The following SLC35F3 variants were observed in gnomAD, a reference collection of about 807,000 sequenced individuals.
The protein encoded by SLC35F3 is putative thiamine transporter SLC35F3.
In SLC35F3, 25 loss-of-function variants were observed where a neutral mutation model predicts 49.9. That is an observed-to-expected ratio of 0.50 (90% CI 0.37 to 0.70). The LOEUF is 0.70. Ranked by LOEUF, SLC35F3 falls within the 30% of genes least tolerant of loss-of-function variation. SLC35F3 has a pLI of 0.00. For synonymous variants in SLC35F3, 275 were observed against 265.4 expected (o/e 1.04, Z -0.35); for missense variants, 525 against 639.8 (o/e 0.82, Z 1.94).
chr1:234,254,399 G>A (rs1667785532), intron 3 of SLC35F3, among the ~76,000 whole-genome samples: 1 of 152,160 alleles, frequency 6.6e-6, no homozygotes, highest in Non-Finnish European at 1.5e-5. Flanking sequence ...GCAGATGTGG[G>A]TTTTACTTTT....
chr1:233,999,479 T>A (rs1343178813), intron 2 of SLC35F3, among the ~76,000 whole-genome samples: 3 of 152,200 alleles, frequency 2.0e-5, no homozygotes, highest in Non-Finnish European at 2.9e-5. Flanking sequence ...TTCGATGCCA[T>A]CCAGGCTGAT....
At chr1:234,023,958 A>G (rs1403010668) in intron 2 of SLC35F3, among the ~76,000 whole-genome samples, 2 of 152,158 alleles carry the variant, frequency 1.3e-5, no homozygotes, top group Non-Finnish European at 2.9e-5. Flanking sequence ...AAGGAGTCCT[A>G]ATGACTAAAT....
intron 3 of SLC35F3, among the ~76,000 whole-genome samples, chr1:234,290,982 A>G (rs1181297582): frequency 6.6e-6 from 1 of 152,144 alleles, no homozygotes; most frequent in East Asian, 1.9e-4. Flanking sequence ...GAGGCCACCA[A>G]TAGATATGAC....
chr1:234,130,169 G>A (rs568685028), intron 2 of SLC35F3, among the ~76,000 whole-genome samples: 3 of 152,078 alleles, frequency 2.0e-5, no homozygotes, highest in African/African-American at 7.2e-5. Flanking sequence ...TTAACAATAG[G>A]AATTCAAACA....
At chr1:234,139,417 A>G (rs932915151) in intron 2 of SLC35F3, among the ~76,000 whole-genome samples, 1 of 152,222 alleles carries the variant, frequency 6.6e-6, no homozygotes, top group African/African-American at 2.4e-5. Flanking sequence ...GATCCCAAAA[A>G]GATAGACACA....
At chr1:234,031,197 G>T (rs1200827223) in intron 2 of SLC35F3, among the ~76,000 whole-genome samples, 1 of 152,004 alleles carries the variant, frequency 6.6e-6, no homozygotes, top group Non-Finnish European at 1.5e-5. Context: ...GGTGCAGATG[G>T]TCTTTCCAAT....
At chr1:233,976,556 G>A (rs915034464) in intron 2 of SLC35F3, among the ~76,000 whole-genome samples, 12 of 152,074 alleles carry the variant, frequency 7.9e-5, no homozygotes, top group Admixed American at 5.2e-4. Flanking sequence ...TCATTTAAAA[G>A]TATCTGTAAA....
intron 2 of SLC35F3, among the ~76,000 whole-genome samples, chr1:234,088,645 T>A (rs767444228): frequency 1.3e-5 from 2 of 152,262 alleles, no homozygotes; most frequent in African/African-American, 4.8e-5. Flanking sequence ...TTTTTAAGCA[T>A]GCATTTTGTG....
chr1:233,954,520 C>T (rs929811581), intron 2 of SLC35F3, among the ~76,000 whole-genome samples: 15 of 152,222 alleles, frequency 9.9e-5, no homozygotes, highest in African/African-American at 3.4e-4. Flanking sequence ...TGTGAAAGCT[C>T]TTCTGGCAAG....
At chr1:234,098,734 A>G (rs1249545440) in intron 2 of SLC35F3, among the ~76,000 whole-genome samples, 4 of 122,880 alleles carry the variant, frequency 3.3e-5, no homozygotes, top group Non-Finnish European at 6.8e-5. Flanking sequence ...AGTGGTAGTG[A>G]TGGTGTTATA....
chr1:234,323,423 A>C lies in SLC35F3; in HGVS notation c.*180A>C, dbSNP rs1657680264. 1 of 601,896 alleles carries C rather than the reference A, an allele frequency of 1.7e-6. No individual in the cohort carries two copies. The highest frequency in any genetic ancestry group is 1.9e-5 in the African/African-American group (1 of 53,916). The allele number at this position is 601,896 out of a possible 1,614,324, so 37.3% of individuals were successfully genotyped here. A position where few individuals can be genotyped will look rare whatever the true frequency, so the allele number is the denominator to read the frequency against. Reference sequence around the variant, plus strand: ...CACATCAGACCTTCCACTTAAGGGTACCAATTCAATACAAAAGAGAAAAGA... The same window carrying C: ...CACATCAGACCTTCCACTTAAGGGTCCCAATTCAATACAAAAGAGAAAAGA... On this transcript the variant is annotated 3_prime_UTR_variant, in exon 8 of 8. Transcript: ENST00000366618. This position sits in a 1 kb window ranked among gnomAD's most constrained non-coding sequence, Gnocchi z 4.5.
In SLC35F3 at chr1:234,320,106, A is replaced by G. The variant is rs1558109686; in HGVS notation, c.1156A>G (p.Ile386Val). Reference protein sequence around the residue: ...GFSVLLLTFNIVLNFGIAVTY... With the variant: ...GFSVLLLTFNVVLNFGIAVTY... ...TACATTCTTTATTTCAGCATTCAAT[A>G]TTGTATTAAATTTTGGAATTGCCGT... is the stretch of plus-strand genomic sequence containing the variant. Residue 386 changes from isoleucine (I) to valine (V), a missense_variant, in exon 7 of 8, where the codon ATT becomes GTT. Physicochemically the swap from Ile to Val is conservative, Grantham distance 29. Transcript: ENST00000366618. This position sits in a 1 kb window ranked among gnomAD's most constrained non-coding sequence, Gnocchi z 4.8. The G allele has an allele frequency of 2.5e-6, 4 of 1,602,600 alleles. No individual in the cohort carries two copies. In the South Asian group the frequency reaches 4.4e-5, roughly 18 times the overall value.
At chr1:234,181,619 G>C (rs546353896) in intron 2 of SLC35F3, among the ~76,000 whole-genome samples, 2 of 152,120 alleles carry the variant, frequency 1.3e-5, no homozygotes, top group African/African-American at 4.8e-5. Context: ...TTGTTGAAGA[G>C]AGCAGTTTGT....
chr1:234,078,018 C>T (rs1402503274), intron 2 of SLC35F3, among the ~76,000 whole-genome samples: 1 of 152,190 alleles, frequency 6.6e-6, no homozygotes, highest in Admixed American at 6.5e-5. Context: ...ACTATTCTCT[C>T]CTTGACTCCT....
chr1:234,041,106 A>G (rs1399373749), intron 2 of SLC35F3, among the ~76,000 whole-genome samples: 1 of 152,200 alleles, frequency 6.6e-6, no homozygotes, highest in African/African-American at 2.4e-5. Context: ...TTTGGTAATG[A>G]TGTCATCAAC....
At chr1:234,189,853 G>A (rs1303158027) in intron 2 of SLC35F3, among the ~76,000 whole-genome samples, 1 of 152,294 alleles carries the variant, frequency 6.6e-6, no homozygotes, top group East Asian at 1.9e-4. Flanking sequence ...AAACCTATCA[G>A]ATTAACAGCA....
chr1:234,193,704 G>T (rs1371725070), intron 2 of SLC35F3, among the ~76,000 whole-genome samples: 3 of 152,114 alleles, frequency 2.0e-5, no homozygotes, highest in African/African-American at 7.2e-5. Context: ...ATCCTACAAA[G>T]GACTAATATC....
rs567610129 is a variant in SLC35F3, at chr1:234,006,470, C to T, written c.283+100712C>T. 1.1e-4 allele frequency among the ~76,000 whole-genome samples: 16 copies of T among 152,126 alleles called. 1 individual carries two copies. The South Asian group carries it at 2.1e-3, about 20-fold the overall frequency. ...CTCAAACTGTGCAGACCCCTTTTAA[C>T]GGGGAAAAAAATTCATAAACACCCA... On this transcript the variant is annotated intron_variant, in intron 2 of 7. Coordinates refer to ENST00000366618, the MANE Select transcript of SLC35F3 (RefSeq NM_173508.4).
chr1:234,305,903 T>C (rs974377859), intron 3 of SLC35F3, among the ~76,000 whole-genome samples: 1 of 152,146 alleles, frequency 6.6e-6, no homozygotes, highest in South Asian at 2.1e-4. Flanking sequence ...AGGACTTGAG[T>C]GTTCTGGAAG....
Sources: gnomAD v4.1 joint callset for allele counts (sites outside exome capture counted in the v4.1 genomes callset) on GRCh38, gnomAD v4.1.1 for gene constraint, Gnocchi (gnomAD v3.1) non-coding constraint, MANE v1.5 for transcripts, NCBI Gene and HGNC (gene_info 2026-07-23, HGNC 2026-07-21) for gene names.